ZNF521: variants seen among roughly 807,000 people sequenced by gnomAD.
ZNF521 encodes LYST-interacting protein 3.
A neutral mutation model predicts 105.5 loss-of-function variants in ZNF521; 14 were observed. That is an observed-to-expected ratio of 0.13 (90% CI 0.09 to 0.21). The LOEUF is 0.21. Among genes scored for constraint, ZNF521 ranks in the 10% least tolerant of loss-of-function variants. The pLI, the probability that ZNF521 is intolerant of heterozygous loss-of-function variation, is 1.00. For missense variants in ZNF521, 1,233 were observed against 1,629.7 expected, an observed-to-expected ratio of 0.76 and a Z score of 4.19; for synonymous variants, 635 against 606.0, an observed-to-expected ratio of 1.05 and a Z score of -0.70.
At chr18:25,131,473 A>C (rs1600074685) in intron 5 of ZNF521, among the ~76,000 whole-genome samples, 1 of 152,244 alleles carries the variant, frequency 6.6e-6, no homozygotes, top group East Asian at 1.9e-4. Context: ...GTGTCCCCTA[A>C]GCTTCCCAGG....
intron 5 of ZNF521, among the ~76,000 whole-genome samples, chr18:25,188,940 C>T (rs372364474): frequency 1.3e-4 from 20 of 152,342 alleles, no homozygotes; most frequent in South Asian, 1.0e-3. Context: ...ATGTCTAGCA[C>T]GCTATCTTTG....
rs539823590 is a variant in ZNF521, at chr18:25,261,231, G to C, written c.221-33534C>G. On this transcript the variant is annotated intron_variant, in intron 3 of 7. Transcript: ENST00000361524. Reference sequence around the variant, plus strand: ...GGGGCAAGTGAGTTAATACATTTTAGACCTAACTAAACACCTGACCTGTCT... The same window carrying C: ...GGGGCAAGTGAGTTAATACATTTTACACCTAACTAAACACCTGACCTGTCT... 9.9e-5 allele frequency among the ~76,000 whole-genome samples: 15 copies of C among 152,254 alleles called. No individual in the cohort carries two copies. The East Asian group carries it at 1.7e-3, about 18-fold the overall frequency.
At chr18:25,201,836 G>A (rs2035998667) in intron 4 of ZNF521, 1 of 152,078 alleles carries the variant, frequency 6.6e-6, no homozygotes, top group Non-Finnish European at 1.5e-5. Flanking sequence ...AAATGACCCT[G>A]AGTTTCCTTC....
chr18:25,177,061 C>T (rs893232618), intron 5 of ZNF521, among the ~76,000 whole-genome samples: 1 of 152,154 alleles, frequency 6.6e-6, no homozygotes, highest in Admixed American at 6.5e-5. Context: ...TAACCTCTTG[C>T]CTGCTAAATT....
At chr18:25,185,722 A>G (rs909551648) in intron 5 of ZNF521, among the ~76,000 whole-genome samples, 1 of 152,140 alleles carries the variant, frequency 6.6e-6, no homozygotes, top group Non-Finnish European at 1.5e-5. Context: ...TCAAAAGTGA[A>G]TTGACCTGTA....
intron 5 of ZNF521, among the ~76,000 whole-genome samples, chr18:25,126,370 ACTCTG>A (rs2034539119): frequency 1.1e-5 from 1 of 87,610 alleles, no homozygotes; most frequent in South Asian, 3.4e-4. Context: ...AGCAATATCT[ACTCTG>A]TGTTCTAGTT....
At chr18:25,190,873 T>A (rs1423578610) in intron 5 of ZNF521, among the ~76,000 whole-genome samples, 8 of 152,268 alleles carry the variant, frequency 5.3e-5, no homozygotes, top group African/African-American at 1.9e-4. Context: ...GAGAGCTTAA[T>A]CTTTTTCTGA....
chr18:25,235,573 T>C (rs944185871), intron 3 of ZNF521, among the ~76,000 whole-genome samples: 2 of 152,226 alleles, frequency 1.3e-5, no homozygotes, highest in African/African-American at 4.8e-5. Flanking sequence ...GAATGTTTTG[T>C]CTTGTTAAAC....
At chr18:25,197,799 G>A (rs945808034) in intron 4 of ZNF521, among the ~76,000 whole-genome samples, 1 of 151,664 alleles carries the variant, frequency 6.6e-6, no homozygotes, top group Non-Finnish European at 1.5e-5. Context: ...TGAACATAGG[G>A]GCACAATGTA....
chr18:25,154,490 G>A (rs989100917), intron 5 of ZNF521, among the ~76,000 whole-genome samples: 1 of 152,110 alleles, frequency 6.6e-6, no homozygotes, highest in African/African-American at 2.4e-5. Flanking sequence ...GGCAAAATAG[G>A]CAAAAGTGAA....
At chr18:25,327,805 C>T (rs1015270062) in intron 2 of ZNF521, 5 of 409,266 alleles carry the variant, frequency 1.2e-5, no homozygotes, top group African/African-American at 1.0e-4. Context: ...GTCTGTCCCG[C>T]ACTCGCCTGC....
intron 3 of ZNF521, among the ~76,000 whole-genome samples, chr18:25,262,684 G>T (rs1268508578): frequency 6.6e-6 from 1 of 152,166 alleles, no homozygotes; most frequent in East Asian, 1.9e-4. Context: ...AATACAAGGA[G>T]AAATAAGACC....
intron 4 of ZNF521, chr18:25,202,983 T>C (rs2036017829): frequency 6.6e-6 from 1 of 152,202 alleles, no homozygotes; most frequent in Admixed American, 6.5e-5. Context: ...ACAGTGGTGG[T>C]GAATGTCCTG....
At chr18:25,131,015 T>C (rs1447202011) in intron 5 of ZNF521, among the ~76,000 whole-genome samples, 1 of 152,092 alleles carries the variant, frequency 6.6e-6, no homozygotes, top group Non-Finnish European at 1.5e-5. Flanking sequence ...TTTTTTCCGA[T>C]TGGAGAGTCT....
At chr18:25,186,338 A>G (rs2035721779) in intron 5 of ZNF521, among the ~76,000 whole-genome samples, 1 of 152,248 alleles carries the variant, frequency 6.6e-6, no homozygotes, top group Non-Finnish European at 1.5e-5. Flanking sequence ...CAGGAGGTAG[A>G]GCCCTGCTTA....
chr18:25,089,040 C>T (rs1327968439), intron 7 of ZNF521, among the ~76,000 whole-genome samples: 1 of 152,192 alleles, frequency 6.6e-6, no homozygotes, highest in African/African-American at 2.4e-5. Context: ...AGTACGATTT[C>T]TTTCTTTTCT....
intron 5 of ZNF521, among the ~76,000 whole-genome samples, chr18:25,100,410 G>A (rs904325742): frequency 9.9e-5 from 15 of 152,156 alleles, no homozygotes; most frequent in African/African-American, 3.6e-4. Context: ...TTGCAAAGAT[G>A]ACATCTTCTC....
At chr18:25,186,912 A>G (rs2035732510) in intron 5 of ZNF521, among the ~76,000 whole-genome samples, 1 of 148,466 alleles carries the variant, frequency 6.7e-6, no homozygotes, top group African/African-American at 2.4e-5. Flanking sequence ...GCTAAAAAAA[A>G]AAAAAAAAAG....
chr18:25,204,596 A>C (rs1325487324), intron 4 of ZNF521, among the ~76,000 whole-genome samples: 1 of 152,186 alleles, frequency 6.6e-6, no homozygotes. Context: ...AAGAACAACA[A>C]ATAATCTTTT....
Sources: allele counts gnomAD v4.1 joint callset (sites outside exome capture counted in the v4.1 genomes callset), GRCh38; gene constraint gnomAD v4.1.1; transcripts MANE v1.5; gene names NCBI Gene and HGNC (gene_info 2026-07-23, HGNC 2026-07-21).